The following PKHD1L1 variants were observed in gnomAD, a reference collection of about 807,000 sequenced individuals.
PKHD1L1 encodes the protein PKHD1 like 1, also known as fibrocystin-L.
In PKHD1L1, 434 loss-of-function variants were observed where a neutral mutation model predicts 462.9. The observed-to-expected ratio is 0.94, with a 90% CI of 0.87 to 1.02. PKHD1L1 has a LOEUF of 1.02. PKHD1L1 is among the 50% of genes least tolerant of loss of function. The pLI, the probability that PKHD1L1 is intolerant of heterozygous loss-of-function variation, is 0.00. For synonymous variants in PKHD1L1, 1,781 were observed against 1,750.0 expected (o/e 1.02, Z -0.44); for missense variants, 5,202 against 5,096.1 (o/e 1.02, Z -0.63).
chr8:109,515,223 G>A lies in PKHD1L1; in HGVS notation c.11607G>A (p.Val3869=), dbSNP rs1273756633. The A allele has an allele frequency of 3.7e-6, 6 of 1,604,148 alleles. No individual in the cohort carries two copies. Among genetic ancestry groups the A allele is most frequent in the Non-Finnish European group, 8.5e-7 (1 of 1,174,000 alleles). ...CACTTCAACGTTTGGATGTCTATGT[G>A]AACAACTTATTGGTCTGTCCAAAAA... The part of the protein sequence containing the change: ...FSTLQRLDVY[V]NNLLVCPKTT... The change falls in exon 72 of 78, where the codon GTG becomes GTA. Residue 3869 remains valine (V), a synonymous_variant. Transcript: ENST00000378402.
intron 14 of PKHD1L1, among the ~76,000 whole-genome samples, chr8:109,404,065 T>C (rs771692548): frequency 6.6e-6 from 1 of 152,144 alleles, no homozygotes; most frequent in Non-Finnish European, 1.5e-5. Flanking sequence ...CCTGAGGCAA[T>C]GTTTTATTCC....
Position 109,486,792 on chromosome 8 carries a change from C to CATT in PKHD1L1, c.9852_9854dup (p.Ser3284_Phe3285insLeu), listed in dbSNP as rs1481525118. On this transcript the variant is annotated inframe_insertion, in exon 59 of 78. Coordinates refer to ENST00000378402, the MANE Select transcript of PKHD1L1 (RefSeq NM_177531.6). ...TTTGGAGCACGCGTACTGGTTGGCT[C>CATT]ATTCACTGAAAATATGATGACATTT... 3.7e-6 allele frequency: 6 copies of CATT among 1,611,662 alleles called. No homozygotes were observed. Among genetic ancestry groups the CATT allele is most frequent in the Non-Finnish European group, 3.4e-6 (4 of 1,178,590 alleles).
At chr8:109,428,555 A>G (rs1432609524) in intron 25 of PKHD1L1, among the ~76,000 whole-genome samples, 2 of 151,998 alleles carry the variant, frequency 1.3e-5, no homozygotes, top group Non-Finnish European at 2.9e-5. Context: ...TATGGGGGTT[A>G]TTTTAAAAAA....
intron 52 of PKHD1L1, 23 bp from the exon 53 acceptor site, chr8:109,477,202 A>G: frequency 6.2e-7 from 1 of 1,611,998 alleles, no homozygotes; most frequent in Non-Finnish European, 8.5e-7. Flanking sequence ...TGTTCATTTA[A>G]CCCACTTTTA....
intron 56 of PKHD1L1, 108 bp downstream of exon 56, chr8:109,481,670 A>G: frequency 5.7e-6 from 6 of 1,060,386 alleles, no homozygotes; most frequent in Non-Finnish European, 7.3e-6. Flanking sequence ...CTTTATCATA[A>G]AAAGTACTTC....
At chr8:109,364,767 T>C in intron 2 of PKHD1L1, 131 bp downstream of exon 2, 1 of 647,356 alleles carries the variant, frequency 1.5e-6, no homozygotes, top group Non-Finnish European at 2.6e-6. Context: ...GCCAGAATAG[T>C]AAAACTCTGT....
At position 109,477,278 on chromosome 8, in the gene PKHD1L1, C is replaced by G. The variant is rs199574819; in HGVS notation, c.8971C>G (p.Pro2991Ala). The G allele has an allele frequency of 3.9e-4, 636 of 1,613,352 alleles. No individual in the cohort carries two copies. The highest frequency in any genetic ancestry group is 5.3e-4 in the Non-Finnish European group (627 of 1,179,618). The change falls in exon 53 of 78, where the codon CCT becomes GCT. Residue 2991 changes from proline (P) to alanine (A), a missense_variant. Pro to Ala is a conservative substitution (Grantham distance 27). Around this residue, in one of 3 missense-constraint regions of PKHD1L1, gnomAD observed 4,497 missense variants for 4,336.8 expected, o/e 1.04. Coordinates refer to ENST00000378402, the MANE Select transcript of PKHD1L1 (RefSeq NM_177531.6). ...TCAGCTCATTTCTGGGAACCTGGAT[C>G]CTGATGTGAAAGACGTTGTTATTAA... ...QSQLISGNLD[P>A]DVKDVVINFQ... is the part of the protein sequence containing the mutation.
chr8:109,430,129 A>C, intron 27 of PKHD1L1, 92 bp downstream of exon 27: 2 of 764,270 alleles, frequency 2.6e-6, no homozygotes, highest in Non-Finnish European at 4.2e-6. Context: ...TGTTTCTACT[A>C]GTGTCACTAG....
At chr8:109,519,244 T>A (rs1328509714) in intron 73 of PKHD1L1, among the ~76,000 whole-genome samples, 1 of 152,060 alleles carries the variant, frequency 6.6e-6, no homozygotes, top group East Asian at 1.9e-4. Context: ...GATAAAAAAA[T>A]AAGCTCAACT....
chr8:109,396,299 A>C (rs1259556239), intron 11 of PKHD1L1, among the ~76,000 whole-genome samples, 162 bp downstream of exon 11: 1 of 152,212 alleles, frequency 6.6e-6, no homozygotes, highest in Admixed American at 6.5e-5. Context: ...TGCTCTTTCC[A>C]TTGCAGTTTT....
chr8:109,512,538 C>T (rs1477351283), intron 71 of PKHD1L1, among the ~76,000 whole-genome samples: 2 of 151,864 alleles, frequency 1.3e-5, no homozygotes, highest in Admixed American at 1.3e-4. Flanking sequence ...GGGCTCTGTT[C>T]TGTTCCATTG....
intron 58 of PKHD1L1, 32 bp from the exon 59 acceptor site, chr8:109,486,616 T>C (rs770554029): frequency 6.3e-6 from 10 of 1,595,516 alleles, no homozygotes; most frequent in Non-Finnish European, 6.8e-6. Context: ...CTTCTCAGCA[T>C]TGGCAATAAT....
chr8:109,475,309 AC>A, intron 51 of PKHD1L1, 40 bp downstream of exon 51: 1 of 1,455,676 alleles, frequency 6.9e-7, no homozygotes, highest in Non-Finnish European at 9.3e-7. Flanking sequence ...ATTGTGTATT[AC>A]CCAAACACAG....
chr8:109,485,005 T>A (rs760039180), intron 57 of PKHD1L1, 39 bp from the exon 58 acceptor site: 1 of 1,505,392 alleles, frequency 6.6e-7, no homozygotes, highest in Admixed American at 2.2e-5. Context: ...AATCTATTTT[T>A]AAAATTGTTC....
In PKHD1L1 at chr8:109,510,798, G is replaced by A. The variant is rs777817646; in HGVS notation, c.11417G>A (p.Cys3806Tyr). Reference sequence around the variant, plus strand: ...TTAGGCCCACAGGATCATGGCTGGTGTGCTGGATATACATGCCAGAGAAGG... The same window carrying A: ...TTAGGCCCACAGGATCATGGCTGGTATGCTGGATATACATGCCAGAGAAGG... ...LINGPQDHGW[C>Y]AGYTCQRRLS... The change falls in exon 71 of 78, where the codon TGT (cysteine) becomes TAT (tyrosine). Residue 3806 changes from cysteine (C) to tyrosine (Y), a missense_variant. This residue lies in a region of PKHD1L1 where 698 missense variants were observed against 736.3 expected (regional missense o/e 0.95). Coordinates refer to ENST00000378402, the MANE Select transcript of PKHD1L1 (RefSeq NM_177531.6). 1.2e-6 allele frequency: 2 copies of A among 1,613,134 alleles called. No homozygotes were observed. Among genetic ancestry groups the A allele is most frequent in the Non-Finnish European group, 1.7e-6 (2 of 1,179,378 alleles).
chr8:109,481,229 T>C (rs1056791742), intron 55 of PKHD1L1, among the ~76,000 whole-genome samples: 1 of 151,918 alleles, frequency 6.6e-6, no homozygotes, highest in Non-Finnish European at 1.5e-5. Context: ...AGTAAGTAGA[T>C]ATTGAATTTG....
At chr8:109,523,998 A>G (rs970539277) in intron 76 of PKHD1L1, among the ~76,000 whole-genome samples, 3 of 152,188 alleles carry the variant, frequency 2.0e-5, no homozygotes, top group Admixed American at 6.5e-5. Flanking sequence ...CACTGCCACA[A>G]TTACTTTTTT....
intron 14 of PKHD1L1, among the ~76,000 whole-genome samples, chr8:109,403,553 A>T (rs1027202306): frequency 6.6e-6 from 1 of 152,192 alleles, no homozygotes; most frequent in African/African-American, 2.4e-5. Context: ...ACAAGTAAGG[A>T]TGCAAAATTT....
At chr8:109,392,437 T>C (rs1812754954) in intron 9 of PKHD1L1, among the ~76,000 whole-genome samples, 1 of 152,112 alleles carries the variant, frequency 6.6e-6, no homozygotes, top group Non-Finnish European at 1.5e-5. Flanking sequence ...ACATATAATA[T>C]AAGCAAAAAT....
Sources: allele counts gnomAD v4.1 joint callset (sites outside exome capture counted in the v4.1 genomes callset), GRCh38; gene constraint gnomAD v4.1.1; regional missense constraint gnomAD v4.1.1; transcripts MANE v1.5; gene names NCBI Gene and HGNC (gene_info 2026-07-23, HGNC 2026-07-21).